The following METRNL variants were observed in gnomAD, a reference collection of about 807,000 sequenced individuals.
METRNL encodes the protein meteorin like, glial cell differentiation regulator.
In METRNL, 9 loss-of-function variants were observed where a neutral mutation model predicts 17.4. The ratio of observed to expected loss-of-function variants is 0.52; its 90% CI spans 0.31 to 0.90. The LOEUF is 0.90. METRNL is among the 40% of genes least tolerant of loss of function. METRNL has a pLI of 0.05. For missense variants in METRNL, 408 were observed against 430.7 expected, an observed-to-expected ratio of 0.95 and a Z score of 0.47; for synonymous variants, 215 against 199.3, an observed-to-expected ratio of 1.08 and a Z score of -0.66.
At chr17:83,085,941 C>T (rs1032699696) in intron 2 of METRNL, among the ~76,000 whole-genome samples, 1 of 152,228 alleles carries the variant, frequency 6.6e-6, no homozygotes, top group South Asian at 2.1e-4. Flanking sequence ...CATGGGGCCA[C>T]CCCCGTCCCA....
intron 1 of METRNL, chr17:83,084,331 A>G (rs1309343840): frequency 6.6e-6 from 1 of 152,572 alleles, no homozygotes; most frequent in Non-Finnish European, 1.5e-5. Context: ...AACTGCCAAC[A>G]CTCTGGATTA....
intron 2 of METRNL, among the ~76,000 whole-genome samples, chr17:83,091,181 G>A (rs907087253): frequency 2.0e-5 from 3 of 151,926 alleles, no homozygotes; most frequent in Non-Finnish European, 4.4e-5. Flanking sequence ...CCGGCCTCAA[G>A]GTGCTCAGCA....
chr17:83,081,521 AG>A (rs2037988426), intron 1 of METRNL, among the ~76,000 whole-genome samples: 1 of 151,950 alleles, frequency 6.6e-6, no homozygotes, highest in African/African-American at 2.4e-5. Flanking sequence ...CTCCACCTCC[AG>A]GGGCGGGCGG....
chr17:83,092,928 G>T (rs2038157294), intron 2 of METRNL, among the ~76,000 whole-genome samples: 4 of 152,144 alleles, frequency 2.6e-5, no homozygotes, highest in Admixed American at 2.6e-4. Context: ...GGGGCCGAGG[G>T]GTCCCCTGGG....
At chr17:83,091,047 A>T (rs748690992) in intron 2 of METRNL, among the ~76,000 whole-genome samples, 3 of 152,080 alleles carry the variant, frequency 2.0e-5, no homozygotes, top group Non-Finnish European at 4.4e-5. Context: ...GGGGGTCAGG[A>T]GGCCCCCGTG....
chr17:83,088,456 C>T (rs1033809931), intron 2 of METRNL, among the ~76,000 whole-genome samples: 1 of 152,210 alleles, frequency 6.6e-6, no homozygotes, highest in Non-Finnish European at 1.5e-5. Context: ...TGTTCTTCAG[C>T]TTCTCCCAGG....
At chr17:83,088,180 G>A (rs897682249) in intron 2 of METRNL, among the ~76,000 whole-genome samples, 14 of 152,216 alleles carry the variant, frequency 9.2e-5, no homozygotes, top group Non-Finnish European at 1.9e-4. Context: ...TGCACCAGCC[G>A]CCTCTGCAGG....
chr17:83,081,034 C>T (rs889958810), intron 1 of METRNL, among the ~76,000 whole-genome samples: 2 of 151,710 alleles, frequency 1.3e-5, no homozygotes, highest in African/African-American at 2.4e-5. Flanking sequence ...GCCACAGTCG[C>T]CCCCCAGCGC....
chr17:83,079,792 G>GGGCGGCGGAGCC lies in METRNL; in HGVS notation c.-19_-8dup, dbSNP rs1438145595. On this transcript the variant is annotated 5_prime_UTR_variant, in exon 1 of 4. Coordinates refer to ENST00000320095, the MANE Select transcript of METRNL (RefSeq NM_001004431.3). ...CTCCGGGGGTCGCGGACGCGGGGCC[G>GGGCGGCGGAGCC]GGCGGCGGAGCCGGCGCCAGAGCAT... 6.8e-3 allele frequency: 6,627 copies of GGGCGGCGGAGCC among 973,228 alleles called. 159 individuals carry two copies. The Admixed American group carries it at 0.11, about 16-fold the overall frequency. The allele number at this position is 973,228 out of a possible 1,614,324, so 60.3% of individuals were successfully genotyped here.
intron 1 of METRNL, among the ~76,000 whole-genome samples, chr17:83,083,798 CGCTCAG>C (rs2038017156): frequency 6.6e-6 from 1 of 152,214 alleles, no homozygotes; most frequent in Admixed American, 6.5e-5. Context: ...TCTGGTGACT[CGCTCAG>C]GCCAGGGCTC....
At chr17:83,080,576 C>CG (rs1391137002) in intron 1 of METRNL, among the ~76,000 whole-genome samples, 3 of 133,548 alleles carry the variant, frequency 2.2e-5, no homozygotes, top group Non-Finnish European at 5.0e-5. Context: ...CCCCCCCCCC[C>CG]CCCACCCGCG....
intron 3 of METRNL, 100 bp from the exon 4 acceptor site, chr17:83,094,156 C>G (rs887068588): frequency 2.0e-6 from 2 of 1,019,128 alleles, no homozygotes; most frequent in Admixed American, 2.8e-5. Flanking sequence ...GTCAGCTGCC[C>G]GTTCCAGTGC....
chr17:83,089,834 G>A (rs1005392377), intron 2 of METRNL, among the ~76,000 whole-genome samples: 3 of 152,082 alleles, frequency 2.0e-5, no homozygotes, highest in South Asian at 2.1e-4. Context: ...AGGTCTCCAG[G>A]GTGCTCCTTA....
chr17:83,094,421 G>A lies in METRNL; in HGVS notation c.782G>A (p.Gly261Asp). 6.2e-7 allele frequency: 1 copy of A among 1,602,492 alleles called. No individual in the cohort carries two copies. The highest frequency in any genetic ancestry group is 8.5e-7 in the Non-Finnish European group (1 of 1,172,166). ...QGRVRTLLEC[G>D]VRPGHGDFLF... ...CGCGTCAGGACGCTGCTGGAGTGTG[G>A]CGTGCGGCCGGGGCATGGCGACTTC... is the stretch of plus-strand genomic sequence containing the variant. The change falls in exon 4 of 4, where the codon GGC becomes GAC. Residue 261 changes from glycine to aspartate, a missense_variant. Physicochemically the swap from Gly to Asp is moderately conservative, Grantham distance 94 (BLOSUM62 -1). Transcript: ENST00000320095.
chr17:83,079,952 A>T lies in METRNL; in HGVS notation c.137A>T (p.Gln46Leu). ...LAGLLGGAGA[Q>L]YSSDRCSWKG... ...GGGCTGCTGGGCGGCGCGGGCGCGC[A>T]GTACTCCAGCGACCGGTGCAGCTGG... Residue 46 changes from glutamine (Q) to leucine (L), a missense_variant, in exon 1 of 4, where the codon CAG becomes CTG. Transcript: ENST00000320095. 9.9e-7 allele frequency: 1 copy of T among 1,011,688 alleles called. No individual in the cohort carries two copies. The highest frequency in any genetic ancestry group is 1.2e-6 in the Non-Finnish European group (1 of 848,996). The allele number at this position is 1,011,688 out of a possible 1,614,324, so 62.7% of individuals were successfully genotyped here. A position where few individuals can be genotyped will look rare whatever the true frequency, so the allele number is the denominator to read the frequency against.
intron 2 of METRNL, among the ~76,000 whole-genome samples, chr17:83,086,804 C>T (rs1207460907): frequency 2.0e-5 from 3 of 152,162 alleles, no homozygotes; most frequent in Non-Finnish European, 1.5e-5. Context: ...GGCACAGGCC[C>T]GATTTCTACA....
chr17:83,080,859 C>T (rs11651256), intron 1 of METRNL, among the ~76,000 whole-genome samples: 6,086 of 149,040 alleles, frequency 0.041, 186 homozygotes, highest in Non-Finnish European at 0.062. Flanking sequence ...CTCGGCGCGG[C>T]CCCCGCCCCC....
At chr17:83,080,060 G>C in intron 1 of METRNL, 75 bp downstream of exon 1, 1 of 931,152 alleles carries the variant, frequency 1.1e-6, no homozygotes, top group Non-Finnish European at 1.3e-6. Context: ...GGCCGAGCGT[G>C]CGGGGGCGCG....
intron 1 of METRNL, chr17:83,082,103 G>T (rs1013566836): frequency 6.1e-6 from 6 of 985,292 alleles, no homozygotes; most frequent in Non-Finnish European, 7.2e-6. Context: ...CCTCCCTTCC[G>T]TGGGGGGAGG....
Sources: allele counts gnomAD v4.1 joint callset (sites outside exome capture counted in the v4.1 genomes callset), GRCh38; gene constraint gnomAD v4.1.1; transcripts MANE v1.5; gene names NCBI Gene and HGNC (gene_info 2026-07-23, HGNC 2026-07-21).